DCAF1: variants seen among roughly 807,000 people sequenced by gnomAD.
DCAF1 encodes the protein DDB1 and CUL4 associated factor 1.
In DCAF1, 15 loss-of-function variants were observed where a neutral mutation model predicts 128.0. That is an observed-to-expected ratio of 0.12 (90% CI 0.08 to 0.18). The LOEUF is 0.18. Ranked by LOEUF, DCAF1 falls within the 10% of genes least tolerant of loss-of-function variation. The pLI, the probability that DCAF1 is intolerant of heterozygous loss-of-function variation, is 1.00. For missense variants in DCAF1, 988 were observed against 1,649.5 expected, an observed-to-expected ratio of 0.60 and a Z score of 6.95; for synonymous variants, 610 against 603.0, an observed-to-expected ratio of 1.01 and a Z score of -0.17.
chr3:51,437,594 G>A (rs1700967684), intron 9 of DCAF1, among the ~76,000 whole-genome samples: 1 of 152,082 alleles, frequency 6.6e-6, no homozygotes. Context: ...CAGATGGAAA[G>A]CTTGAGCCCA....
chr3:51,414,722 G>A lies in DCAF1; in HGVS notation c.3739C>T (p.Arg1247Cys), dbSNP rs201655201. 265 of 1,613,876 alleles carry A rather than the reference G, an allele frequency of 1.6e-4. 1 individual carries two copies. Among genetic ancestry groups the A allele is most frequent in the Non-Finnish European group, 1.4e-4 (170 of 1,179,900 alleles). ...VLNDGVLWDV[R>C]SAQAIHKFDK... ...AACTTGTGGATGGCCTGTGCAGAGC[G>A]GACATCCCAGAGGACGCCATCATTT... is the stretch of plus-strand genomic sequence containing the variant. The change falls in exon 19 of 25, where the codon CGC (arginine) becomes TGC (cysteine). Residue 1247 changes from arginine (R) to cysteine (C), a missense_variant. Arg to Cys is a radical substitution (Grantham distance 180, BLOSUM62 -3). Coordinates refer to ENST00000684031, the MANE Select transcript of DCAF1 (RefSeq NM_001387579.1).
intron 7 of DCAF1, 61 bp downstream of exon 7, chr3:51,443,705 A>G: frequency 6.9e-7 from 1 of 1,450,200 alleles, no homozygotes; most frequent in East Asian, 2.4e-5. Flanking sequence ...AGATTCAAGT[A>G]ACAAGAACCT....
intron 23 of DCAF1, among the ~76,000 whole-genome samples, chr3:51,409,512 T>A (rs1187738487): frequency 6.6e-6 from 1 of 152,180 alleles, no homozygotes; most frequent in African/African-American, 2.4e-5. Flanking sequence ...AGGGCTGGGA[T>A]AATGATGTTG....
At chr3:51,425,022 TATA>T (rs1434986684) in intron 13 of DCAF1, among the ~76,000 whole-genome samples, 1 of 152,208 alleles carries the variant, frequency 6.6e-6, no homozygotes, top group Non-Finnish European at 1.5e-5. Flanking sequence ...TGATTAAAAG[TATA>T]ATATTAATTA....
At chr3:51,438,061 C>T (rs782198377) in intron 9 of DCAF1, 4 of 432,192 alleles carry the variant, frequency 9.3e-6, no homozygotes, top group Non-Finnish European at 4.5e-6. Context: ...TTACTTATTA[C>T]ATATTCATTC....
chr3:51,398,914 C>G, intron 24 of DCAF1, 87 bp from the exon 25 acceptor site: 1 of 1,488,352 alleles, frequency 6.7e-7, no homozygotes, highest in South Asian at 1.2e-5. Flanking sequence ...CACATACATT[C>G]ATGCCCGAGC....
At chr3:51,503,864 G>T (rs545738596), upstream of DCAF1, among the ~76,000 whole-genome samples, 1 of 152,212 alleles carries the variant, frequency 6.6e-6, no homozygotes, top group African/African-American at 2.4e-5. Flanking sequence ...CAACTTAAGT[G>T]CCCACATCGA....
chr3:51,426,327 A>G (rs1162059375), intron 13 of DCAF1, among the ~76,000 whole-genome samples: 2 of 151,928 alleles, frequency 1.3e-5, no homozygotes, highest in Non-Finnish European at 2.9e-5. Context: ...CTCCTGCCTC[A>G]GCCTCCCAGG....
intron 6 of DCAF1, among the ~76,000 whole-genome samples, chr3:51,460,500 G>C (rs1265107293): frequency 6.6e-6 from 1 of 152,132 alleles, no homozygotes; most frequent in Non-Finnish European, 1.5e-5. Flanking sequence ...GTAATTTATA[G>C]ATTCAATGCC....
intron 23 of DCAF1, 56 bp from the exon 24 acceptor site, chr3:51,403,451 G>C: frequency 2.6e-6 from 4 of 1,536,756 alleles, no homozygotes; most frequent in Non-Finnish European, 3.5e-6. Context: ...ACCCATGGGG[G>C]CCACATGGCG....
At chr3:51,478,941 CATA>C (rs1705819494) in intron 3 of DCAF1, among the ~76,000 whole-genome samples, 1 of 152,142 alleles carries the variant, frequency 6.6e-6, no homozygotes, top group Non-Finnish European at 1.5e-5. Flanking sequence ...TTTAAACTTT[CATA>C]ATATTATAGT....
At position 51,498,574 on chromosome 3, in the gene DCAF1, T is replaced by C. The variant is rs1553662564; in HGVS notation, c.-56+1299A>G. ...CTGAGACCACTGTCTCTATAAAAAA[T>C]AAATGAATAAAAATAAAAAATTTTA... On this transcript the variant is annotated intron_variant, in intron 1 of 24. Transcript: ENST00000684031. Among the ~76,000 whole-genome samples the C allele has an allele frequency of 2.0e-5, 3 of 151,666 alleles. No homozygotes were observed. In the South Asian group the frequency reaches 6.2e-4, roughly 32 times the overall value.
At position 51,469,254 on chromosome 3, in the gene DCAF1, G is replaced by C. The variant is rs900021469; in HGVS notation, c.187+1675C>G. ...TTTTTTTTTTTTTTTTTTTGAGACA[G>C]AGTTTTGCTCTTCTTGTCCAGGCTG... is the stretch of plus-strand genomic sequence containing the variant. On this transcript the variant is annotated intron_variant, in intron 4 of 24. Coordinates refer to ENST00000684031, the MANE Select transcript of DCAF1 (RefSeq NM_001387579.1). 1.7e-4 allele frequency among the ~76,000 whole-genome samples: 18 copies of C among 104,892 alleles called. No individual in the cohort carries two copies. The Admixed American group carries it at 2.4e-3, about 14-fold the overall frequency. 68.8% of individuals were successfully genotyped at this position (104,892 alleles called of 152,430 possible). A position where few individuals can be genotyped will look rare whatever the true frequency, so the allele number is the denominator to read the frequency against.
intron 7 of DCAF1, among the ~76,000 whole-genome samples, 175 bp downstream of exon 7, chr3:51,443,589 CAA>C (rs369157750): frequency 3.4e-5 from 4 of 118,394 alleles, no homozygotes; most frequent in African/African-American, 3.2e-5. Flanking sequence ...GACTCCGTCT[CAA>C]AAAAAAAAAA....
intron 9 of DCAF1, 92 bp from the exon 10 acceptor site, chr3:51,433,356 A>G: frequency 2.5e-6 from 1 of 397,272 alleles, no homozygotes; most frequent in Non-Finnish European, 4.4e-6. Flanking sequence ...TAAATACAAA[A>G]GCCCTCTAAG....
At chr3:51,454,933 A>G (rs1176155190) in intron 6 of DCAF1, among the ~76,000 whole-genome samples, 2 of 152,152 alleles carry the variant, frequency 1.3e-5, no homozygotes, top group Non-Finnish European at 2.9e-5. Context: ...TCGGCCTCCC[A>G]AAGTGCTGGG....
intron 23 of DCAF1, among the ~76,000 whole-genome samples, chr3:51,411,372 T>C (rs1698402959): frequency 6.6e-6 from 1 of 152,150 alleles, no homozygotes. Context: ...CAAAAGAATC[T>C]GCCCTGGAGA....
chr3:51,438,675 G>A (rs139943609), intron 9 of DCAF1, among the ~76,000 whole-genome samples: 38 of 152,354 alleles, frequency 2.5e-4, no homozygotes, highest in Middle Eastern at 3.4e-3. Flanking sequence ...GCAATGGCAC[G>A]ATCTCAGCTC....
intron 1 of DCAF1, among the ~76,000 whole-genome samples, chr3:51,498,611 TAGGC>T (rs1708505651): frequency 6.6e-6 from 1 of 152,006 alleles, no homozygotes; most frequent in Admixed American, 6.6e-5. Context: ...AACTGTATAA[TAGGC>T]AGAACAGTAA....
Sources: gnomAD v4.1 joint callset for allele counts (sites outside exome capture counted in the v4.1 genomes callset) on GRCh38, gnomAD v4.1.1 for gene constraint, MANE v1.5 for transcripts, NCBI Gene and HGNC (gene_info 2026-07-23, HGNC 2026-07-21) for gene names.